POLD1: variants seen among roughly 807,000 people sequenced by gnomAD.
The protein encoded by POLD1 is DNA polymerase delta 1, catalytic subunit.
A neutral mutation model predicts 129.7 loss-of-function variants in POLD1; 79 were observed. The ratio of observed to expected loss-of-function variants is 0.61; its 90% confidence interval spans 0.51 to 0.73. The LOEUF (loss-of-function observed/expected upper bound fraction) is 0.73, where lower values mean the gene tolerates loss of function less well. Ranked by LOEUF, POLD1 falls within the 30% of genes least tolerant of loss-of-function variation. The pLI is 0.00. For synonymous variants in POLD1, 714 were observed against 683.3 expected (o/e 1.04, Z -0.70); for missense variants, 1,338 against 1,595.8 (o/e 0.84, Z 2.75).
intron 3 of POLD1, among the ~76,000 whole-genome samples, chr19:50,400,520 C>CTTTTTTTT (rs1568616865): frequency 8.1e-6 from 1 of 123,402 alleles, no homozygotes; most frequent in African/African-American, 3.6e-5. Context: ...TGTGCCCCGC[C>CTTTTTTTT]TATTTTTTTT....
intron 17 of POLD1, among the ~76,000 whole-genome samples, chr19:50,412,627 G>C (rs1480005952): frequency 6.6e-6 from 1 of 152,190 alleles, no homozygotes; most frequent in Non-Finnish European, 1.5e-5. Context: ...GCTCTAGTTA[G>C]ACAGATTTCC....
Position 50,407,050 on chromosome 19 carries a change from G to T in POLD1, c.1562G>T (p.Arg521Leu). ...CTGAAGGATGCCTACCTGCCACTGC[G>T]GCTGCTGGAGCGGCTCATGGTGCTG... ...YCLKDAYLPL[R>L]LLERLMVLVN... The change falls in exon 13 of 27, where the codon CGG becomes CTG. Residue 521 changes from arginine (R) to leucine (L), a missense_variant. By Grantham distance (102) the Arg-to-Leu change is moderately radical (BLOSUM62 -2). Transcript: ENST00000440232. The T allele has an allele frequency of 6.2e-7, 1 of 1,613,736 alleles. No individual in the cohort carries two copies. The highest frequency in any genetic ancestry group is 8.5e-7 in the Non-Finnish European group (1 of 1,179,998).
chr19:50,416,129 C>G (rs2039279999), intron 22 of POLD1: 2 of 585,248 alleles, frequency 3.4e-6, no homozygotes, highest in South Asian at 2.2e-5. Flanking sequence ...TGACCCACAT[C>G]TTAGCCCCAT....
chr19:50,415,632 C>A, intron 21 of POLD1, 42 bp downstream of exon 21: 2 of 1,594,790 alleles, frequency 1.3e-6, no homozygotes, highest in South Asian at 1.1e-5. Context: ...ATAACCCCCT[C>A]CTTCCTGCCA....
At position 50,402,543 on chromosome 19, in the gene POLD1, G is replaced by T. The variant is rs747558112; in HGVS notation, c.840+8G>T. On this transcript the variant is annotated splice_region_variant and intron_variant, in intron 7 of 26. Transcript: ENST00000440232. ...CTGAGGCTGAAGGAGAAGGTGCAGG[G>T]CTTCCCAGGGCAGGGCTGGGTGGGG... 1 of 1,588,592 alleles carries T rather than the reference G, an allele frequency of 6.3e-7. No homozygotes were observed. The highest frequency in any genetic ancestry group is 1.8e-5 in the Admixed American group (1 of 55,774).
At position 50,406,779 on chromosome 19, in the gene POLD1, C is replaced by T. The variant is rs869312620; in HGVS notation, c.1495-204C>T. On this transcript the variant is annotated intron_variant, in intron 12 of 26. Transcript: ENST00000440232. The surrounding 1 kb of genome is among the most constrained non-coding windows in gnomAD (Gnocchi z 5.5). Reference sequence around the variant, plus strand: ...CACGGTGGCCTTCAGGCTGCTCCCTCCTCCTCCCTCTGGCCCTGTGGACTC... The same window carrying T: ...CACGGTGGCCTTCAGGCTGCTCCCTTCTCCTCCCTCTGGCCCTGTGGACTC... Among the ~76,000 whole-genome samples the T allele has an allele frequency of 1.3e-5, 2 of 152,090 alleles. No homozygotes were observed. Among genetic ancestry groups the T allele is most frequent in the Non-Finnish European group, 2.9e-5 (2 of 68,002 alleles).
rs550518679 is a variant in POLD1 at position 50,398,786 on chromosome 19, C to A, written c.-1-65C>A. 131 of 1,560,764 alleles carry A rather than the reference C, an allele frequency of 8.4e-5. 1 individual carries two copies. The East Asian group carries it at 2.5e-3, about 29-fold the overall frequency. ...GTGGTCATGGTGGGTGCATGGGATG[C>A]CATGGAGACAGGGTAAGAGGTGTCT... On this transcript the variant is annotated intron_variant, in intron 1 of 26. Transcript: ENST00000440232.
rs2122392514 is a variant in POLD1, at chr19:50,409,728, G to A, written c.2154+62G>A. On this transcript the variant is annotated intron_variant, in intron 17 of 26. Coordinates refer to ENST00000440232, the MANE Select transcript of POLD1 (RefSeq NM_002691.4). This position sits in a 1 kb window ranked among gnomAD's most constrained non-coding sequence, Gnocchi z 5.8. ...GGTGGGCCCCCTGTGTAGGAGACCAGGGCTCCATGTGGGGGACCTGTATCC... is the reference window on the plus strand; with the variant it reads ...GGTGGGCCCCCTGTGTAGGAGACCAAGGCTCCATGTGGGGGACCTGTATCC... 6.6e-7 allele frequency: 1 copy of A among 1,514,152 alleles called. No individual in the cohort carries two copies. Among genetic ancestry groups the A allele is most frequent in the Non-Finnish European group, 8.9e-7 (1 of 1,124,278 alleles). The allele number at this position is 1,514,152 out of a possible 1,614,324, so 93.8% of individuals were successfully genotyped here.
At chr19:50,404,295 C>G (rs1568624031) in intron 10 of POLD1, among the ~76,000 whole-genome samples, 1 of 151,086 alleles carries the variant, frequency 6.6e-6, no homozygotes, top group African/African-American at 2.5e-5. Context: ...CAAAGTCTCG[C>G]TCTGTCGCCC....
At chr19:50,394,172 CTG>C (rs1323280767) in intron 1 of POLD1, 1 of 152,262 alleles carries the variant, frequency 6.6e-6, no homozygotes, top group Non-Finnish European at 1.5e-5. Context: ...GTTCCAGCCA[CTG>C]TGACGGGGAA....
In POLD1 at chr19:50,414,382, C is replaced by T. The variant is rs3219428; in HGVS notation, c.2389-433C>T. Among the ~76,000 whole-genome samples, 531 of 152,364 alleles carry T rather than the reference C, an allele frequency of 3.5e-3. 8 individuals carry two copies. Among genetic ancestry groups the T allele is most frequent in the African/African-American group, 0.012 (507 of 41,594 alleles). On this transcript the variant is annotated intron_variant, in intron 19 of 26. Coordinates refer to ENST00000440232, the MANE Select transcript of POLD1 (RefSeq NM_002691.4). The stretch of plus-strand genomic sequence containing the variant: ...ATCCTCCCGCCTTGGCCTCCTGAGC[C>T]GCCACGCCCAGTTCTCACACTGTAC...
Position 50,409,020 on chromosome 19 carries a change from T to A in POLD1, c.1893-102T>A. 7.6e-7 allele frequency: 1 copy of A among 1,322,186 alleles called. No individual in the cohort carries two copies. The highest frequency in any genetic ancestry group is 1.1e-6 in the Non-Finnish European group (1 of 929,456). 81.9% of individuals were successfully genotyped at this position (1,322,186 alleles called of 1,614,324 possible). On this transcript the variant is annotated intron_variant, in intron 15 of 26. Transcript: ENST00000440232. The surrounding 1 kb of genome is among the most constrained non-coding windows in gnomAD (Gnocchi z 5.8). ...AGATAGTAGGGAGTGGAGGGGTGCT[T>A]GAGGGGCCTGCGTGTGCTCATGGCC... is the stretch of plus-strand genomic sequence containing the variant.
At chr19:50,391,375 G>A (rs1400851431) in intron 1 of POLD1, among the ~76,000 whole-genome samples, 2 of 152,092 alleles carry the variant, frequency 1.3e-5, no homozygotes, top group East Asian at 3.9e-4. Context: ...GTAGCGAGCC[G>A]AGATCACGCC....
intron 10 of POLD1, among the ~76,000 whole-genome samples, chr19:50,405,476 C>T (rs2038842162): frequency 6.6e-6 from 1 of 152,292 alleles, no homozygotes; most frequent in South Asian, 2.1e-4. Context: ...CGCCTCTAAT[C>T]CCAGCACTTT....
chr19:50,402,069 G>A lies in POLD1; in HGVS notation c.534G>A (p.Gly178=), dbSNP rs376129517. Residue 178 remains glycine (G), a synonymous_variant, in exon 5 of 27, where the codon GGG becomes GGA. Transcript: ENST00000440232. ...LNLAISRDSR[G]GRELTGPAVL... ...TGGCCATCAGCCGGGACAGTCGCGG[G>A]GGGAGGGAGCTGACTGGGCCGGCCG... The A allele has an allele frequency of 4.3e-6, 7 of 1,613,972 alleles. No individual in the cohort carries two copies. Among genetic ancestry groups the A allele is most frequent in the East Asian group, 2.2e-5 (1 of 44,882 alleles).
rs545962328 is a variant in POLD1 at position 50,413,855 on chromosome 19, G to C, written c.2364G>C (p.Ser788=). 3 of 1,606,818 alleles carry C rather than the reference G, an allele frequency of 1.9e-6. No individual in the cohort carries two copies. The highest frequency in any genetic ancestry group is 4.5e-5 in the East Asian group (2 of 44,848). ...ACTGGGTGTCAGGTCACTTCCCGTC[G>C]CCCATCCGGCTGGAGTTTGAGAAGG... ...AADWVSGHFP[S]PIRLEFEKVY... Residue 788 remains serine, a synonymous_variant, in exon 19 of 27, where the codon TCG becomes TCC. Transcript: ENST00000440232.
chr19:50,393,173 G>A (rs2546553), intron 1 of POLD1, among the ~76,000 whole-genome samples: 10,809 of 152,156 alleles, frequency 0.071, 1,277 homozygotes, highest in African/African-American at 0.24. Flanking sequence ...TTTACATGGC[G>A]TGCCATGCCC....
chr19:50,406,612 CCTCA>C lies in POLD1; in HGVS notation c.1494+99_1494+102del. ...CTCAACTTCACGCCCCCACGTCTGA[CCTCA>C]CTCTTTGACCTGCTGTTATGACCTG... On this transcript the variant is annotated intron_variant, in intron 12 of 26. Coordinates refer to ENST00000440232, the MANE Select transcript of POLD1 (RefSeq NM_002691.4). This position sits in a 1 kb window ranked among gnomAD's most constrained non-coding sequence, Gnocchi z 5.5. The C allele has an allele frequency of 3.3e-6, 3 of 915,436 alleles. No individual in the cohort carries two copies. The highest frequency in any genetic ancestry group is 5.2e-6 in the Non-Finnish European group (3 of 578,810). The allele number at this position is 915,436 out of a possible 1,614,324, so 56.7% of individuals were successfully genotyped here. A position where few individuals can be genotyped will look rare whatever the true frequency, so the allele number is the denominator to read the frequency against.
intron 1 of POLD1, among the ~76,000 whole-genome samples, chr19:50,391,738 C>T (rs1307135867): frequency 2.6e-5 from 4 of 151,694 alleles, no homozygotes; most frequent in East Asian, 3.9e-4. Context: ...TTTTCCCACT[C>T]CCCCGCTCTT....
Sources: allele counts gnomAD v4.1 joint callset (sites outside exome capture counted in the v4.1 genomes callset), GRCh38; gene constraint gnomAD v4.1.1; non-coding constraint Gnocchi (gnomAD v3.1); transcripts MANE v1.5; gene names NCBI Gene and HGNC (gene_info 2026-07-23, HGNC 2026-07-21).